COL4A2: variants seen among roughly 807,000 people sequenced by gnomAD.
The protein encoded by COL4A2 is collagen alpha-2(IV) chain.
A neutral mutation model predicts 200.2 loss-of-function variants in COL4A2; 99 were observed. The observed-to-expected ratio is 0.49, with a 90% CI of 0.42 to 0.58. The LOEUF (loss-of-function observed/expected upper bound fraction) is 0.58, where lower values mean the gene tolerates loss of function less well. Among genes scored for constraint, COL4A2 ranks in the 20% least tolerant of loss-of-function variants. COL4A2 has a pLI of 0.00. For synonymous variants in COL4A2, 897 were observed against 900.6 expected, an observed-to-expected ratio of 1.00 and a Z score of 0.07; for missense variants, 1,950 against 2,314.1, an observed-to-expected ratio of 0.84 and a Z score of 3.23.
intron 4 of COL4A2, among the ~76,000 whole-genome samples, chr13:110,391,618 A>T (rs1330353002): frequency 6.6e-6 from 1 of 152,266 alleles, no homozygotes; most frequent in Non-Finnish European, 1.5e-5. Context: ...ACCGCTTACT[A>T]GCGCGATGCC....
At chr13:110,491,191 C>A in intron 36 of COL4A2, 42 bp from the exon 37 acceptor site, 1 of 1,409,130 alleles carries the variant, frequency 7.1e-7, no homozygotes, top group Non-Finnish European at 9.8e-7. Flanking sequence ...CCCACAGGGG[C>A]GCGGTGTCTG....
intron 4 of COL4A2, among the ~76,000 whole-genome samples, chr13:110,417,719 G>A (rs1880097112): frequency 6.6e-6 from 1 of 152,188 alleles, no homozygotes; most frequent in East Asian, 1.9e-4. Flanking sequence ...ACAGTAAGTA[G>A]CATTTTGTGT....
chr13:110,470,822 A>G (rs1882442747), intron 28 of COL4A2, among the ~76,000 whole-genome samples: 1 of 152,218 alleles, frequency 6.6e-6, no homozygotes, highest in Non-Finnish European at 1.5e-5. Context: ...CGTCCCTGAT[A>G]GATGGTATCT....
At chr13:110,360,932 A>G (rs1283185089) in intron 4 of COL4A2, among the ~76,000 whole-genome samples, 1 of 152,218 alleles carries the variant, frequency 6.6e-6, no homozygotes, top group Non-Finnish European at 1.5e-5. Flanking sequence ...CCGTGCTGCC[A>G]AGGGACCACA....
chr13:110,492,213 A>G (rs903794354), intron 38 of COL4A2, 36 bp downstream of exon 38: 1 of 1,536,408 alleles, frequency 6.5e-7, no homozygotes, highest in African/African-American at 1.4e-5. Flanking sequence ...ACCCAGACCC[A>G]GAGTCGTGGG....
At chr13:110,479,030 A>G (rs1215663496) in intron 30 of COL4A2, among the ~76,000 whole-genome samples, 1 of 152,180 alleles carries the variant, frequency 6.6e-6, no homozygotes, top group African/African-American at 2.4e-5. Flanking sequence ...CCTGTGTCCA[A>G]GAGCTGGGGG....
intron 4 of COL4A2, among the ~76,000 whole-genome samples, chr13:110,409,873 G>A (rs1419842440): frequency 1.3e-5 from 2 of 152,116 alleles, no homozygotes; most frequent in Non-Finnish European, 2.9e-5. Flanking sequence ...TGTCCAGATA[G>A]CACCAGCCCT....
chr13:110,480,329 C>T lies in COL4A2; in HGVS notation c.2697C>T (p.Gly899=). 2 of 1,613,922 alleles carry T rather than the reference C, an allele frequency of 1.2e-6. No individual in the cohort carries two copies. Among genetic ancestry groups the T allele is most frequent in the Non-Finnish European group, 1.7e-6 (2 of 1,179,876 alleles). Residue 899 remains glycine (G), a synonymous_variant, in exon 31 of 48, where the codon GGC becomes GGT. Coordinates refer to ENST00000360467, the MANE Select transcript of COL4A2 (RefSeq NM_001846.4). ...ATGCTGGCTTCACAGGGGAGCAAGG[C>T]CATCCAGGAAGCCCTGGATTTAAAG... ...RGDAGFTGEQ[G]HPGSPGFKGI...
chr13:110,404,122 T>C (rs1879476777), intron 4 of COL4A2, among the ~76,000 whole-genome samples: 1 of 152,192 alleles, frequency 6.6e-6, no homozygotes, highest in Non-Finnish European at 1.5e-5. Flanking sequence ...TTTCTACTCA[T>C]GAATTTTGGA....
chr13:110,504,190 G>A lies in COL4A2; in HGVS notation c.4328G>A (p.Gly1443Asp). ...GGGAAAGCTGGGCCCCAAGGAAGAG[G>A]TGGTGTGTCTGCTGTTCCCGGCTTC... ...APGKAGPQGR[G>D]GVSAVPGFRG... is the part of the protein sequence containing the mutation. Residue 1443 changes from glycine to aspartate, a missense_variant, in exon 45 of 48, where the codon GGT becomes GAT. This residue lies in a region of COL4A2 where 1,385 missense variants were observed against 1,720.5 expected (regional missense o/e 0.80). Transcript: ENST00000360467. 6.2e-7 allele frequency: 1 copy of A among 1,614,190 alleles called. No individual in the cohort carries two copies. Among genetic ancestry groups the A allele is most frequent in the Non-Finnish European group, 8.5e-7 (1 of 1,180,038 alleles).
At chr13:110,329,566 C>T (rs1875808931) in intron 3 of COL4A2, among the ~76,000 whole-genome samples, 2 of 152,172 alleles carry the variant, frequency 1.3e-5, no homozygotes, top group Middle Eastern at 3.2e-3. Context: ...TCATGGCATC[C>T]TTGGAAATAG....
intron 3 of COL4A2, among the ~76,000 whole-genome samples, chr13:110,309,769 C>T (rs1419118836): frequency 1.1e-5 from 1 of 92,788 alleles, no homozygotes; most frequent in African/African-American, 3.4e-5. Flanking sequence ...CTGTGGATTG[C>T]CTGAGCTCAG....
chr13:110,465,758 T>G, intron 25 of COL4A2, 152 bp downstream of exon 25: 1 of 855,186 alleles, frequency 1.2e-6, no homozygotes, highest in Non-Finnish European at 1.8e-6. Context: ...ACTGTGAGGT[T>G]TCTGAGCCCC....
At chr13:110,484,157 G>A (rs1020145095) in intron 32 of COL4A2, among the ~76,000 whole-genome samples, 4 of 151,754 alleles carry the variant, frequency 2.6e-5, no homozygotes, top group Non-Finnish European at 2.9e-5. Context: ...TTATTTCCTC[G>A]AGCCTCCTTA....
At chr13:110,434,527 C>A in intron 12 of COL4A2, 85 bp downstream of exon 12, 1 of 1,418,618 alleles carries the variant, frequency 7.0e-7, no homozygotes, top group Non-Finnish European at 9.8e-7. Context: ...AAGTTCTGTG[C>A]TGTAAAACTT....
intron 46 of COL4A2, among the ~76,000 whole-genome samples, chr13:110,507,005 C>T (rs188368027): frequency 9.4e-4 from 143 of 152,082 alleles, no homozygotes; most frequent in African/African-American, 3.3e-3. Flanking sequence ...TCCCATACAG[C>T]CCCCCGAGGA....
At chr13:110,363,530 C>T (rs872588) in intron 4 of COL4A2, among the ~76,000 whole-genome samples, 60,617 of 151,854 alleles carry the variant, frequency 0.4, 12,240 homozygotes, top group Middle Eastern at 0.57. Context: ...AGGCAGATAA[C>T]GAGAAGGCAA....
chr13:110,343,548 G>A (rs1032976440), intron 3 of COL4A2, among the ~76,000 whole-genome samples: 2 of 152,210 alleles, frequency 1.3e-5, no homozygotes, highest in Non-Finnish European at 2.9e-5. Flanking sequence ...CAGAAGCCAG[G>A]CCAGCAGGTA....
At chr13:110,439,922 A>AAAT in intron 16 of COL4A2, 89 bp downstream of exon 16, 1 of 1,532,008 alleles carries the variant, frequency 6.5e-7, no homozygotes, top group Non-Finnish European at 8.8e-7. Context: ...TCAGGAAAGA[A>AAAT]AATTGTCTCC....
Sources: gnomAD v4.1 joint callset for allele counts (sites outside exome capture counted in the v4.1 genomes callset) on GRCh38, gnomAD v4.1.1 for gene constraint, gnomAD v4.1.1 regional missense constraint, MANE v1.5 for transcripts, NCBI Gene and HGNC (gene_info 2026-07-23, HGNC 2026-07-21) for gene names.